DEFB109B: variants seen among roughly 807,000 people sequenced by gnomAD.
The protein encoded by DEFB109B is beta-defensin 109B.
chr8:7,319,210 A>C (rs1277572653), intron 1 of DEFB109B: 1 of 123,626 alleles, frequency 8.1e-6, no homozygotes, highest in Non-Finnish European at 1.6e-5. Context: ...CCATTTAAGA[A>C]ACTATGGCAA....
upstream of DEFB109B, among the ~76,000 whole-genome samples, chr8:7,310,616 C>T (rs1461873211): frequency 1.4e-5 from 2 of 144,078 alleles, no homozygotes; most frequent in South Asian, 2.1e-4. Context: ...CATGTGCGTG[C>T]CTTTGCATGT....
At chr8:7,318,700 T>C (rs1167250781) in intron 1 of DEFB109B, 8 of 139,210 alleles carry the variant, frequency 5.7e-5, no homozygotes, top group Non-Finnish European at 1.0e-4. Context: ...ATCCTTGCTT[T>C]AGTTGTTCTT....
upstream of DEFB109B, among the ~76,000 whole-genome samples, chr8:7,310,609 G>T (rs191064667): frequency 4.9e-3 from 706 of 143,730 alleles, 16 homozygotes; most frequent in Non-Finnish European, 4.8e-3. Flanking sequence ...GTGTGTGCAT[G>T]TGCGTGCCTT....
chr8:7,313,644 C>G (rs1279167798), intron 1 of DEFB109B, among the ~76,000 whole-genome samples: 1 of 143,552 alleles, frequency 7.0e-6, no homozygotes, highest in Admixed American at 6.7e-5. Flanking sequence ...ACTTTCAATA[C>G]AAAAATGGCT....
chr8:7,319,267 G>A (rs1401790928), intron 1 of DEFB109B: 1 of 132,478 alleles, frequency 7.5e-6, no homozygotes, highest in Admixed American at 7.0e-5. Context: ...GAGAGAGAGA[G>A]AGTGAAAGAA....
chr8:7,315,264 T>A (rs1802829248), intron 1 of DEFB109B, among the ~76,000 whole-genome samples: 1 of 124,474 alleles, frequency 8.0e-6, no homozygotes, highest in Non-Finnish European at 1.5e-5. Flanking sequence ...ACGCCTGTAA[T>A]CCCAGCACTT....
intron 1 of DEFB109B, among the ~76,000 whole-genome samples, chr8:7,315,796 G>T (rs200283962): frequency 4.8e-5 from 7 of 145,646 alleles, no homozygotes; most frequent in African/African-American, 1.1e-4. Flanking sequence ...AAGTTAATTA[G>T]CTTTTTTTAA....
At position 7,313,722 on chromosome 8, in the gene DEFB109B, A is replaced by G. The variant is rs1335754871; in HGVS notation, n.58+819A>G. Among the ~76,000 whole-genome samples, 22 of 143,016 alleles carry G rather than the reference A, an allele frequency of 1.5e-4. 3 individuals carry two copies. The highest frequency in any genetic ancestry group is 4.6e-4 in the African/African-American group (15 of 32,846). The allele number at this position is 143,016 out of a possible 152,430, so 93.8% of individuals were successfully genotyped here. A position where few individuals can be genotyped will look rare whatever the true frequency, so the allele number is the denominator to read the frequency against. ...AAAAAAAACAGCATAATAAACCTAA[A>G]GAAGATAAAGGGAAAATTATAAATA... On this transcript the variant is annotated intron_variant and non_coding_transcript_variant, in intron 1 of 1. Transcript: ENST00000382656.
At chr8:7,309,919 CTATGCTT>C, upstream of DEFB109B, among the ~76,000 whole-genome samples, 1 of 68,954 alleles carries the variant, frequency 1.5e-5, no homozygotes, top group South Asian at 6.2e-4. Flanking sequence ...TGGTCAAATT[CTATGCTT>C]TATGTTGTTT....
chr8:7,309,958 T>G (rs2128804271), upstream of DEFB109B, among the ~76,000 whole-genome samples: 1 of 39,250 alleles, frequency 2.5e-5, no homozygotes, highest in Admixed American at 2.9e-4. Flanking sequence ...CTTTCCAAAG[T>G]TTTCAACAGA....
chr8:7,312,071 A>G (rs1802637575), upstream of DEFB109B, among the ~76,000 whole-genome samples: 1 of 111,822 alleles, frequency 8.9e-6, no homozygotes, highest in Non-Finnish European at 1.6e-5. Context: ...TAATTGTTAT[A>G]TTAGTAGTTC....
At chr8:7,315,773 T>C (rs1208411102) in intron 1 of DEFB109B, among the ~76,000 whole-genome samples, 1 of 144,922 alleles carries the variant, frequency 6.9e-6, no homozygotes, top group African/African-American at 2.9e-5. Flanking sequence ...TAGGGCTTCA[T>C]TACTCTGAAT....
chr8:7,310,585 G>C (rs1311866305), upstream of DEFB109B, among the ~76,000 whole-genome samples: 1 of 140,540 alleles, frequency 7.1e-6, no homozygotes, highest in Non-Finnish European at 1.5e-5. Flanking sequence ...GTAATACTGT[G>C]TGTGTGTGTG....
At chr8:7,315,362 G>A (rs1305918288) in intron 1 of DEFB109B, among the ~76,000 whole-genome samples, 5 of 138,240 alleles carry the variant, frequency 3.6e-5, no homozygotes, top group South Asian at 2.1e-4. Flanking sequence ...AGCCGGGTGC[G>A]GTGGTACATG....
At chr8:7,311,905 T>C (rs1001374306), upstream of DEFB109B, among the ~76,000 whole-genome samples, 1 of 105,204 alleles carries the variant, frequency 9.5e-6, no homozygotes, top group East Asian at 2.3e-4. Context: ...TTCTTACAAA[T>C]AAGCAATGGT....
At chr8:7,315,340 A>C (rs1802837398) in intron 1 of DEFB109B, among the ~76,000 whole-genome samples, 1 of 136,592 alleles carries the variant, frequency 7.3e-6, no homozygotes, top group East Asian at 2.0e-4. Context: ...TCTCTACTAA[A>C]TACAAAAAAT....
upstream of DEFB109B, among the ~76,000 whole-genome samples, chr8:7,312,019 C>A (rs1469755491): frequency 7.9e-6 from 1 of 126,014 alleles, no homozygotes; most frequent in Non-Finnish European, 1.5e-5. Context: ...TAAATGGGTT[C>A]ATGAAGGAAT....
chr8:7,311,877 C>A (rs1279154175), upstream of DEFB109B, among the ~76,000 whole-genome samples: 1 of 75,820 alleles, frequency 1.3e-5, no homozygotes, highest in East Asian at 3.3e-4. Context: ...TTTTTAAAAA[C>A]CCCTAGTGTA....
At chr8:7,312,112 A>T (rs1196243018), upstream of DEFB109B, among the ~76,000 whole-genome samples, 2 of 111,668 alleles carry the variant, frequency 1.8e-5, no homozygotes, top group Non-Finnish European at 3.3e-5. Context: ...GGGAACAGAT[A>T]GAAGAGTGTT....
Sources: gnomAD v4.1 joint callset for allele counts (sites outside exome capture counted in the v4.1 genomes callset) on GRCh38, gnomAD v4.1.1 for gene constraint, MANE v1.5 for transcripts, NCBI Gene and HGNC (gene_info 2026-07-23, HGNC 2026-07-21) for gene names.